SIPA1L2: variants seen among roughly 807,000 people sequenced by gnomAD.
SIPA1L2 encodes signal induced proliferation associated 1 like 2.
A neutral mutation model predicts 163.9 loss-of-function variants in SIPA1L2; 56 were observed. The observed-to-expected ratio is 0.34, with a 90% CI of 0.28 to 0.43. SIPA1L2 has a LOEUF of 0.43. Among genes scored for constraint, SIPA1L2 ranks in the 20% least tolerant of loss-of-function variants. The pLI, the probability that SIPA1L2 is intolerant of heterozygous loss-of-function variation, is 1.00. For synonymous variants in SIPA1L2, 877 were observed against 865.7 expected, an observed-to-expected ratio of 1.01 and a Z score of -0.23; for missense variants, 1,974 against 2,193.5, an observed-to-expected ratio of 0.90 and a Z score of 2.00.
chr1:232,490,544 GA>G, intron 5 of SIPA1L2: 1 of 229,550 alleles, frequency 4.4e-6, no homozygotes, highest in Non-Finnish European at 8.6e-6. Flanking sequence ...GTTGGTTCAG[GA>G]AAAGGGCCAT....
Position 232,479,642 on chromosome 1 carries a change from G to A in SIPA1L2, c.2070C>T (p.Pro690=), listed in dbSNP as rs1471979196. 2 of 1,613,478 alleles carry A rather than the reference G, an allele frequency of 1.2e-6. No individual in the cohort carries two copies. The highest frequency in any genetic ancestry group is 1.7e-6 in the Non-Finnish European group (2 of 1,179,566). ...GAGGACATACCTGTTGTCTGTTGTT[G>A]GGCATGTAGGGAAGCAGGGTTGACA... ...FHVSTLLPYM[P]NNRQQLLRKR... The change falls in exon 7 of 23, where the codon CCC becomes CCT. Residue 690 remains proline (P), a synonymous_variant. Transcript: ENST00000674635.
chr1:232,553,383 G>A (rs1411549003), intron 2 of SIPA1L2, among the ~76,000 whole-genome samples: 1 of 152,152 alleles, frequency 6.6e-6, no homozygotes, highest in Non-Finnish European at 1.5e-5. Context: ...GTACAGGACG[G>A]GGGGGCGTAG....
intron 2 of SIPA1L2, among the ~76,000 whole-genome samples, chr1:232,541,052 A>T (rs1012637446): frequency 6.6e-6 from 1 of 152,174 alleles, no homozygotes; most frequent in Non-Finnish European, 1.5e-5. Flanking sequence ...CAATGAGAAC[A>T]CATGGACACA....
intron 1 of SIPA1L2, among the ~76,000 whole-genome samples, chr1:232,595,026 G>A (rs747174371): frequency 6.6e-6 from 1 of 152,166 alleles, no homozygotes; most frequent in Non-Finnish European, 1.5e-5. Context: ...GTTTGAGAGG[G>A]CACAAAAGAA....
At chr1:232,433,955 A>C (rs898740199) in intron 15 of SIPA1L2, among the ~76,000 whole-genome samples, 2 of 152,154 alleles carry the variant, frequency 1.3e-5, no homozygotes, top group Non-Finnish European at 2.9e-5. Context: ...CTACCTCCGA[A>C]GGTTTCTCTG....
At chr1:232,547,676 C>A (rs945777330) in intron 2 of SIPA1L2, among the ~76,000 whole-genome samples, 1 of 152,078 alleles carries the variant, frequency 6.6e-6, no homozygotes, top group African/African-American at 2.4e-5. Flanking sequence ...GCATTGCCAT[C>A]ATCCAAATCC....
chr1:232,496,888 A>T (rs1284501438), intron 3 of SIPA1L2, among the ~76,000 whole-genome samples: 2 of 152,342 alleles, frequency 1.3e-5, no homozygotes, highest in East Asian at 3.9e-4. Context: ...TTCTTATAAC[A>T]CATTTCAAAA....
Position 232,572,578 on chromosome 1 carries a change from C to G in SIPA1L2, c.-270+1596G>C, listed in dbSNP as rs116253436. ...CTCAACATGTATGTACTTATGTACTCACAATTTATAAGAAACTCGTAGTGG... is the reference window on the plus strand; with the variant it reads ...CTCAACATGTATGTACTTATGTACTGACAATTTATAAGAAACTCGTAGTGG... On this transcript the variant is annotated intron_variant, in intron 2 of 22. Coordinates refer to ENST00000674635, the MANE Select transcript of SIPA1L2 (RefSeq NM_020808.5). Among the ~76,000 whole-genome samples, 303 of 151,502 alleles carry G rather than the reference C, an allele frequency of 2.0e-3. 2 individuals carry two copies. The highest frequency in any genetic ancestry group is 6.9e-3 in the African/African-American group (287 of 41,316).
chr1:232,559,176 C>G (rs954838239), intron 2 of SIPA1L2, among the ~76,000 whole-genome samples: 1 of 152,166 alleles, frequency 6.6e-6, no homozygotes, highest in African/African-American at 2.4e-5. Context: ...TTCCTGCCAG[C>G]CCATGGGGTA....
intron 1 of SIPA1L2, among the ~76,000 whole-genome samples, chr1:232,574,620 A>C (rs1451168507): frequency 6.6e-6 from 1 of 152,222 alleles, no homozygotes; most frequent in African/African-American, 2.4e-5. Flanking sequence ...TTAATTAATA[A>C]ATATTTTCAA....
At position 232,399,762 on chromosome 1, in the gene SIPA1L2, T is replaced by C. The variant is rs182764803; in HGVS notation, c.5023-489A>G. 1.7e-4 allele frequency among the ~76,000 whole-genome samples: 26 copies of C among 152,264 alleles called. No homozygotes were observed. In the East Asian group the frequency reaches 4.4e-3, roughly 26 times the overall value. On this transcript the variant is annotated intron_variant, in intron 22 of 22. Transcript: ENST00000674635. ...ACCCTTAAAATCTGCTATTAAAAACTGTGTAAAAATAATCAAGACTTTCAG... is the reference window on the plus strand; with the variant it reads ...ACCCTTAAAATCTGCTATTAAAAACCGTGTAAAAATAATCAAGACTTTCAG...
intron 6 of SIPA1L2, among the ~76,000 whole-genome samples, chr1:232,482,561 C>G (rs772997548): frequency 6.6e-6 from 1 of 152,074 alleles, no homozygotes; most frequent in Non-Finnish European, 1.5e-5. Flanking sequence ...TATAATGTAA[C>G]AGTCAAACTC....
intron 3 of SIPA1L2, among the ~76,000 whole-genome samples, chr1:232,507,176 A>ATT (rs11373672): frequency 9.4e-4 from 138 of 146,740 alleles, no homozygotes; most frequent in South Asian, 1.3e-3. Flanking sequence ...ACGGTCTGTG[A>ATT]TTTTTTTTTT....
At chr1:232,468,981 C>A (rs1260731375) in intron 8 of SIPA1L2, among the ~76,000 whole-genome samples, 1 of 152,114 alleles carries the variant, frequency 6.6e-6, no homozygotes, top group East Asian at 1.9e-4. Context: ...TCCAGTGGAC[C>A]CAGCATAACT....
chr1:232,450,754 A>G (rs183880211), intron 10 of SIPA1L2, among the ~76,000 whole-genome samples: 3 of 152,354 alleles, frequency 2.0e-5, no homozygotes, highest in Admixed American at 2.0e-4. Flanking sequence ...AGTGTGGCCT[A>G]CTTAATTCAT....
chr1:232,614,987 A>G (rs1470274301), intron 1 of SIPA1L2, among the ~76,000 whole-genome samples: 1 of 152,242 alleles, frequency 6.6e-6, no homozygotes, highest in African/African-American at 2.4e-5. Context: ...AACAAGTGTA[A>G]GCCTCTACTC....
At chr1:232,576,424 A>G (rs1660079626) in intron 1 of SIPA1L2, among the ~76,000 whole-genome samples, 1 of 152,232 alleles carries the variant, frequency 6.6e-6, no homozygotes, top group Non-Finnish European at 1.5e-5. Flanking sequence ...ACATTCATAT[A>G]AAACAGTGTA....
At position 232,432,394 on chromosome 1, in the gene SIPA1L2, A is replaced by G. The variant is rs759951532; in HGVS notation, c.4109T>C (p.Ile1370Thr). The change falls in exon 16 of 23, where the codon ATC becomes ACC. Residue 1370 changes from isoleucine to threonine, a missense_variant. This residue lies in a region of SIPA1L2 where 1,079 missense variants were observed against 1,150.7 expected (regional missense o/e 0.94). Coordinates refer to ENST00000674635, the MANE Select transcript of SIPA1L2 (RefSeq NM_020808.5). The stretch of plus-strand genomic sequence containing the variant: ...CTGTTGTCCGCTGCTGTGAGACACG[A>G]TGTAGACTTTGGATGAATCCAGAGA... ...SGSLDSSKVY[I>T]VSHSSGQQVP... is the part of the protein sequence containing the mutation. 11 of 1,614,104 alleles carry G rather than the reference A, an allele frequency of 6.8e-6. No individual in the cohort carries two copies. Among genetic ancestry groups the G allele is most frequent in the Non-Finnish European group, 9.3e-6 (11 of 1,180,042 alleles).
At chr1:232,565,687 C>A (rs1017491810) in intron 2 of SIPA1L2, among the ~76,000 whole-genome samples, 1 of 152,198 alleles carries the variant, frequency 6.6e-6, no homozygotes, top group African/African-American at 2.4e-5. Context: ...AGAAAATTAT[C>A]ACCTTTTACT....
Sources: gnomAD v4.1 joint callset for allele counts (sites outside exome capture counted in the v4.1 genomes callset) on GRCh38, gnomAD v4.1.1 for gene constraint, gnomAD v4.1.1 regional missense constraint, MANE v1.5 for transcripts, NCBI Gene and HGNC (gene_info 2026-07-23, HGNC 2026-07-21) for gene names.